ARHGAP32: variants seen among roughly 807,000 people sequenced by gnomAD.
ARHGAP32 encodes Rho GTPase activating protein 32, also known as rho GTPase-activating protein 32.
Under a neutral mutation model 186.5 loss-of-function variants are expected in ARHGAP32, and 51 were observed. The ratio of observed to expected loss-of-function variants is 0.27; its 90% confidence interval spans 0.22 to 0.35. The LOEUF is 0.35. Ranked by LOEUF, ARHGAP32 falls within the 10% of genes least tolerant of loss-of-function variation. ARHGAP32 has a pLI of 1.00. For synonymous variants in ARHGAP32, 950 were observed against 964.3 expected, an observed-to-expected ratio of 0.99 and a Z score of 0.27; for missense variants, 2,186 against 2,623.5, an observed-to-expected ratio of 0.83 and a Z score of 3.64.
intron 11 of ARHGAP32, among the ~76,000 whole-genome samples, chr11:129,028,800 T>C (rs1301398401): frequency 1.3e-5 from 2 of 152,090 alleles, no homozygotes; most frequent in African/African-American, 2.4e-5. Context: ...AAGAAGTGGA[T>C]TCTGGCCTGA....
intron 2 of ARHGAP32, among the ~76,000 whole-genome samples, chr11:129,160,970 G>A (rs1943517269): frequency 6.6e-6 from 1 of 152,028 alleles, no homozygotes; most frequent in Non-Finnish European, 1.5e-5. Context: ...TAGACCAATG[G>A]TACAGAACAG....
At chr11:129,098,663 C>T (rs933530107) in intron 5 of ARHGAP32, among the ~76,000 whole-genome samples, 2 of 152,084 alleles carry the variant, frequency 1.3e-5, no homozygotes, top group East Asian at 1.9e-4. Flanking sequence ...CCGTGATCCA[C>T]CCGCCTCGGC....
intron 5 of ARHGAP32, among the ~76,000 whole-genome samples, chr11:129,111,250 CT>C (rs1160578437): frequency 6.6e-6 from 1 of 152,134 alleles, no homozygotes; most frequent in Non-Finnish European, 1.5e-5. Context: ...GTCAAAACAT[CT>C]TTGCATCCCT....
At chr11:129,227,965 T>C (rs1339438258) in intron 1 of ARHGAP32, among the ~76,000 whole-genome samples, 3 of 152,114 alleles carry the variant, frequency 2.0e-5, no homozygotes, top group Non-Finnish European at 4.4e-5. Flanking sequence ...CATTTTAGGA[T>C]AGAACATGTG....
chr11:129,049,088 T>C, intron 10 of ARHGAP32, among the ~76,000 whole-genome samples: 1 of 151,904 alleles, frequency 6.6e-6, no homozygotes, highest in South Asian at 2.1e-4. Context: ...AAGTGACACA[T>C]TCTGAGCAGA....
intron 3 of ARHGAP32, among the ~76,000 whole-genome samples, chr11:129,124,595 G>T (rs1201095811): frequency 6.6e-6 from 1 of 152,098 alleles, no homozygotes; most frequent in Non-Finnish European, 1.5e-5. Flanking sequence ...GACATAAGTT[G>T]CTTCAAGAAC....
In ARHGAP32 at chr11:128,972,572, G is replaced by A. The variant is rs771104539; in HGVS notation, c.3934C>T (p.Arg1312Cys). The part of the protein sequence containing the change: ...TADFAAATLQ[R>C]THRTNRPLPP... ...AGGGGACGATTAGTTCTGTGCGTGCGCTGAAGTGTGGCAGCAGCAAAATCA... is the reference window on the plus strand; with the variant it reads ...AGGGGACGATTAGTTCTGTGCGTGCACTGAAGTGTGGCAGCAGCAAAATCA... The change falls in exon 22 of 23, where the codon CGC becomes TGC. Residue 1312 changes from arginine (R) to cysteine (C), a missense_variant. Physicochemically the swap from Arg to Cys is radical, Grantham distance 180. Around this residue, in one of 5 missense-constraint regions of ARHGAP32, gnomAD observed 1,502 missense variants for 1,570.0 expected, o/e 0.96. Transcript: ENST00000682385. 1.2e-4 allele frequency: 186 copies of A among 1,598,444 alleles called. No homozygotes were observed. Among genetic ancestry groups the A allele is most frequent in the Non-Finnish European group, 1.5e-4 (178 of 1,171,414 alleles).
At chr11:129,249,776 A>C (rs897598269) in intron 1 of ARHGAP32, among the ~76,000 whole-genome samples, 4 of 152,174 alleles carry the variant, frequency 2.6e-5, no homozygotes, top group African/African-American at 9.7e-5. Flanking sequence ...TCCTTTAAAA[A>C]AGTTTTGGGT....
rs144997028 is a variant in ARHGAP32 at position 129,038,969 on chromosome 11, T to C, written c.1045+1959A>G. Among the ~76,000 whole-genome samples, 663 of 144,716 alleles carry C rather than the reference T, an allele frequency of 4.6e-3. 3 individuals carry two copies. Among genetic ancestry groups the C allele is most frequent in the Middle Eastern group, 0.018 (5 of 272 alleles). 94.9% of individuals were successfully genotyped at this position (144,716 alleles called of 152,430 possible). On this transcript the variant is annotated intron_variant, in intron 11 of 22. Transcript: ENST00000682385. ...ATACCCTCCAAAGAAGATGAACACA[T>C]AACCAATAAGCACATATAAAATGAC...
intron 1 of ARHGAP32, among the ~76,000 whole-genome samples, chr11:129,178,669 C>T (rs1269626502): frequency 6.6e-6 from 1 of 152,086 alleles, no homozygotes; most frequent in African/African-American, 2.4e-5. Flanking sequence ...CTTTGACAAA[C>T]CTGAGAAGAA....
chr11:129,233,245 G>A (rs1457478586), intron 1 of ARHGAP32, among the ~76,000 whole-genome samples: 1 of 152,136 alleles, frequency 6.6e-6, no homozygotes, highest in East Asian at 1.9e-4. Context: ...ATAATCATGG[G>A]TGGTAGGAGT....
intron 2 of ARHGAP32, among the ~76,000 whole-genome samples, chr11:129,133,033 G>C (rs1942848736): frequency 6.6e-6 from 1 of 152,172 alleles, no homozygotes. Flanking sequence ...GGCTGTGTAG[G>C]AAGCATGACT....
chr11:129,189,881 G>T (rs973714261), intron 1 of ARHGAP32, among the ~76,000 whole-genome samples: 1 of 152,172 alleles, frequency 6.6e-6, no homozygotes, highest in Admixed American at 6.5e-5. Flanking sequence ...TCTAGGTGTG[G>T]TATGACTTTA....
chr11:129,110,640 T>C (rs1276388864), intron 5 of ARHGAP32, among the ~76,000 whole-genome samples: 2 of 152,162 alleles, frequency 1.3e-5, no homozygotes, highest in East Asian at 1.9e-4. Context: ...ATTTTACTCA[T>C]AGAAATCTTT....
intron 1 of ARHGAP32, among the ~76,000 whole-genome samples, chr11:129,250,690 C>A (rs1408118226): frequency 6.6e-6 from 1 of 152,172 alleles, no homozygotes; most frequent in Non-Finnish European, 1.5e-5. Flanking sequence ...CACTTTCTAT[C>A]CTGTAGCAGA....
intron 5 of ARHGAP32, among the ~76,000 whole-genome samples, chr11:129,104,607 G>A (rs1941998313): frequency 6.6e-6 from 1 of 150,694 alleles, no homozygotes; most frequent in Admixed American, 6.6e-5. Context: ...ATCTCTCTAG[G>A]AAGAAATGGG....
At chr11:129,195,671 G>A (rs970381551), upstream of ARHGAP32, among the ~76,000 whole-genome samples, 9 of 152,166 alleles carry the variant, frequency 5.9e-5, no homozygotes, top group South Asian at 2.1e-4. Context: ...CCGAGATCAC[G>A]CCATTGCGCT....
At chr11:128,982,492 T>C (rs916931027) in intron 15 of ARHGAP32, among the ~76,000 whole-genome samples, 6 of 151,788 alleles carry the variant, frequency 4.0e-5, no homozygotes, top group African/African-American at 1.5e-4. Context: ...TGTGTGTGTG[T>C]GTGTGTGTGT....
At chr11:129,094,955 T>C (rs1464989347) in intron 5 of ARHGAP32, among the ~76,000 whole-genome samples, 1 of 152,186 alleles carries the variant, frequency 6.6e-6, no homozygotes, top group Non-Finnish European at 1.5e-5. Context: ...AGGTAACTAA[T>C]ACTTAATAAA....
Sources: gnomAD v4.1 joint callset for allele counts (sites outside exome capture counted in the v4.1 genomes callset) on GRCh38, gnomAD v4.1.1 for gene constraint, gnomAD v4.1.1 regional missense constraint, MANE v1.5 for transcripts, NCBI Gene and HGNC (gene_info 2026-07-23, HGNC 2026-07-21) for gene names.